The following DIAPH3 variants were observed in gnomAD, a reference collection of about 807,000 sequenced individuals.
DIAPH3 encodes protein diaphanous homolog 3.
DIAPH3 carries 117 observed loss-of-function variants against 144.3 expected under a neutral mutation model. The ratio of observed to expected loss-of-function variants is 0.81; its 90% confidence interval spans 0.70 to 0.95. DIAPH3 has a LOEUF of 0.95. DIAPH3 is among the 40% of genes least tolerant of loss of function. The probability of loss-of-function intolerance (pLI) is 0.00; values close to 1 mark genes in which losing one functional copy is unlikely to be tolerated. For missense variants in DIAPH3, 1,421 were observed against 1,412.7 expected, an observed-to-expected ratio of 1.01 and a Z score of -0.09; for synonymous variants, 519 against 488.9, an observed-to-expected ratio of 1.06 and a Z score of -0.81.
At chr13:59,868,943 C>T (rs1052912255) in intron 21 of DIAPH3, among the ~76,000 whole-genome samples, 1 of 152,140 alleles carries the variant, frequency 6.6e-6, no homozygotes, top group Non-Finnish European at 1.5e-5. Context: ...AATGAATATA[C>T]CACAGTTTAT....
At chr13:60,140,644 G>A (rs2059405975) in intron 1 of DIAPH3, among the ~76,000 whole-genome samples, 1 of 151,850 alleles carries the variant, frequency 6.6e-6, no homozygotes, top group Non-Finnish European at 1.5e-5. Context: ...GGGATTTGTG[G>A]GTTTTTTTCA....
chr13:59,691,586 G>A (rs1266024132), intron 27 of DIAPH3, among the ~76,000 whole-genome samples: 1 of 151,988 alleles, frequency 6.6e-6, no homozygotes, highest in Non-Finnish European at 1.5e-5. Context: ...TGATGATTAA[G>A]GAATATTCAG....
At chr13:59,988,695 G>C (rs2051598866) in intron 12 of DIAPH3, among the ~76,000 whole-genome samples, 1 of 151,826 alleles carries the variant, frequency 6.6e-6, no homozygotes, top group African/African-American at 2.4e-5. Context: ...TGTCATTACT[G>C]ACAAAATGCT....
intron 17 of DIAPH3, among the ~76,000 whole-genome samples, chr13:59,958,710 AAATAT>A (rs1430400254): frequency 1.3e-5 from 2 of 151,946 alleles, no homozygotes; most frequent in Non-Finnish European, 2.9e-5. Context: ...CACATTAATT[AAATAT>A]AATATTTTGA....
intron 9 of DIAPH3, among the ~76,000 whole-genome samples, chr13:59,997,138 A>C (rs1381204639): frequency 6.6e-6 from 1 of 152,022 alleles, no homozygotes; most frequent in African/African-American, 2.4e-5. Flanking sequence ...TCTGCTATCA[A>C]ACATTAAACT....
At chr13:60,138,240 G>A (rs79480834) in intron 1 of DIAPH3, among the ~76,000 whole-genome samples, 1,779 of 152,270 alleles carry the variant, frequency 0.012, 17 homozygotes, top group Middle Eastern at 0.031. Flanking sequence ...TATTCAGTAA[G>A]TCTAAGGTGG....
chr13:59,956,753 G>A (rs1360583152), intron 17 of DIAPH3, among the ~76,000 whole-genome samples: 3 of 152,086 alleles, frequency 2.0e-5, no homozygotes, highest in Non-Finnish European at 4.4e-5. Flanking sequence ...ACAGACACTC[G>A]ACACCACCCC....
chr13:60,103,359 C>T (rs7982397), intron 3 of DIAPH3, among the ~76,000 whole-genome samples: 2 of 151,834 alleles, frequency 1.3e-5, no homozygotes, highest in East Asian at 1.9e-4. Flanking sequence ...TCAAGTTGAG[C>T]GGGACAGTTA....
chr13:59,760,358 CAACTT>C (rs2037513273), intron 27 of DIAPH3, among the ~76,000 whole-genome samples: 2 of 152,266 alleles, frequency 1.3e-5, no homozygotes, highest in Middle Eastern at 3.4e-3. Flanking sequence ...TATCAAATAT[CAACTT>C]AACAACTCTT....
rs942711094 is a variant in DIAPH3, at chr13:59,916,250, C to A, written c.2171-1G>T. ...ACCCGAAAAGAGCTCAGGAAGATTG[C>A]TAAGAAGGAGAAAGAGAGAAAGGTT... On this transcript the variant is annotated splice_acceptor_variant, in intron 18 of 27. Coordinates refer to ENST00000400324, the MANE Select transcript of DIAPH3 (RefSeq NM_001042517.2). LOFTEE classifies it high-confidence loss of function. 1.2e-6 allele frequency: 2 copies of A among 1,610,768 alleles called. No homozygotes were observed. The highest frequency in any genetic ancestry group is 1.7e-5 in the Admixed American group (1 of 59,918).
intron 25 of DIAPH3, among the ~76,000 whole-genome samples, chr13:59,804,769 C>T (rs945616938): frequency 6.6e-6 from 1 of 152,122 alleles, no homozygotes; most frequent in African/African-American, 2.4e-5. Context: ...GAAAGCATTA[C>T]TGCACAAAAC....
At chr13:59,988,629 T>C (rs918266701) in intron 12 of DIAPH3, among the ~76,000 whole-genome samples, 2 of 151,854 alleles carry the variant, frequency 1.3e-5, no homozygotes, top group Non-Finnish European at 2.9e-5. Flanking sequence ...ATTGGTGAGG[T>C]AGTAAATGTG....
At chr13:60,003,074 C>T (rs2052615161) in intron 9 of DIAPH3, among the ~76,000 whole-genome samples, 1 of 152,182 alleles carries the variant, frequency 6.6e-6, no homozygotes, top group South Asian at 2.1e-4. Context: ...ACAATGGACA[C>T]TACGATGGAG....
intron 24 of DIAPH3, among the ~76,000 whole-genome samples, chr13:59,817,132 T>C (rs754954946): frequency 2.6e-5 from 4 of 151,888 alleles, no homozygotes; most frequent in Non-Finnish European, 5.9e-5. Flanking sequence ...CTCTAGTATG[T>C]AACCAATTTT....
chr13:59,763,672 A>G (rs1218171001), intron 27 of DIAPH3, among the ~76,000 whole-genome samples: 1 of 152,094 alleles, frequency 6.6e-6, no homozygotes, highest in Non-Finnish European at 1.5e-5. Flanking sequence ...CAACAGAGAG[A>G]AACCCTGTCA....
intron 25 of DIAPH3, among the ~76,000 whole-genome samples, chr13:59,794,241 A>T (rs1332353812): frequency 6.6e-6 from 1 of 152,190 alleles, no homozygotes; most frequent in East Asian, 1.9e-4. Context: ...TTATCTGGAC[A>T]TAACCCCATC....
intron 27 of DIAPH3, among the ~76,000 whole-genome samples, chr13:59,683,755 T>C (rs1267136229): frequency 6.6e-6 from 1 of 152,230 alleles, no homozygotes; most frequent in African/African-American, 2.4e-5. Flanking sequence ...GTTCTTTCAC[T>C]GAGGTTAACC....
intron 24 of DIAPH3, among the ~76,000 whole-genome samples, chr13:59,818,294 T>G (rs143642292): frequency 6.6e-6 from 1 of 152,106 alleles, no homozygotes; most frequent in African/African-American, 2.4e-5. Context: ...GTTTCCTGTT[T>G]ATCTACAAAT....
chr13:60,141,958 G>C (rs2059433339), intron 1 of DIAPH3, among the ~76,000 whole-genome samples: 1 of 152,188 alleles, frequency 6.6e-6, no homozygotes, highest in Non-Finnish European at 1.5e-5. Flanking sequence ...TGGATGGGCA[G>C]GGGAGTGTTT....
Sources: gnomAD v4.1 joint callset for allele counts (sites outside exome capture counted in the v4.1 genomes callset) on GRCh38, gnomAD v4.1.1 for gene constraint, MANE v1.5 for transcripts, NCBI Gene and HGNC (gene_info 2026-07-23, HGNC 2026-07-21) for gene names.